SPAG9: variants seen among roughly 807,000 people sequenced by gnomAD.
The protein encoded by SPAG9 is C-Jun-amino-terminal kinase-interacting protein 4.
Under a neutral mutation model 166.5 loss-of-function variants are expected in SPAG9, and 35 were observed. That is an observed-to-expected ratio of 0.21 (90% CI 0.16 to 0.28). SPAG9 has a LOEUF of 0.28. SPAG9 is among the 10% of genes least tolerant of loss of function. The probability of loss-of-function intolerance (pLI) is 1.00; values close to 1 mark genes in which losing one functional copy is unlikely to be tolerated. For synonymous variants in SPAG9, 534 were observed against 565.5 expected, an observed-to-expected ratio of 0.94 and a Z score of 0.79; for missense variants, 1,235 against 1,603.3, an observed-to-expected ratio of 0.77 and a Z score of 3.92.
intron 1 of SPAG9, among the ~76,000 whole-genome samples, chr17:51,090,420 C>A (rs533195585): frequency 5.3e-5 from 8 of 152,206 alleles, no homozygotes; most frequent in African/African-American, 1.9e-4. Flanking sequence ...ACTGGGGAGG[C>A]TGAGACAGGA....
chr17:51,095,992 GATATATATATAGTGAT>G lies in SPAG9; in HGVS notation c.304-16304_304-16289del, dbSNP rs1180725579. The stretch of plus-strand genomic sequence containing the variant: ...ATATAGTGATATATATATATATAGT[GATATATATATAGTGAT>G]ATATATATATAGTGATATATATATA... On this transcript the variant is annotated intron_variant, in intron 1 of 29. Coordinates refer to ENST00000262013, the MANE Select transcript of SPAG9 (RefSeq NM_001130528.3). Among the ~76,000 whole-genome samples, 617 of 75,138 alleles carry G rather than the reference GATATATATATAGTGAT, an allele frequency of 8.2e-3. 20 individuals are homozygous for G. The highest frequency in any genetic ancestry group is 0.015 in the African/African-American group (236 of 15,736). 49.3% of individuals were successfully genotyped at this position (75,138 alleles called of 152,430 possible).
At position 50,989,747 on chromosome 17, in the gene SPAG9, T is replaced by C. The variant is rs748323377; in HGVS notation, c.2743A>G (p.Thr915Ala). The C allele has an allele frequency of 5.6e-6, 9 of 1,614,230 alleles. No homozygotes were observed. The highest frequency in any genetic ancestry group is 7.6e-6 in the Non-Finnish European group (9 of 1,180,030). ...TVDISQTGVY[T>A]EHVFTDPLGV... is the part of the protein sequence containing the mutation. ...AAAGGATCTGTAAAGACATGCTCTG[T>C]GTAGACGCCAGTTTGGGAGATGTCC... Residue 915 changes from threonine to alanine, a missense_variant, in exon 21 of 30, where the codon ACA becomes GCA. Physicochemically the swap from Thr to Ala is moderately conservative, Grantham distance 58. Transcript: ENST00000262013.
chr17:51,104,889 C>T (rs1238881798), intron 1 of SPAG9, among the ~76,000 whole-genome samples: 4 of 143,784 alleles, frequency 2.8e-5, no homozygotes, highest in Admixed American at 7.3e-5. Context: ...GCCGAGATCG[C>T]GCCACTGCAC....
At chr17:51,032,309 T>C (rs1205146565) in intron 5 of SPAG9, among the ~76,000 whole-genome samples, 7 of 152,038 alleles carry the variant, frequency 4.6e-5, no homozygotes, top group Admixed American at 4.6e-4. Context: ...ACTACAAGTG[T>C]ACCCCACCAT....
Position 50,979,729 on chromosome 17 carries a change from A to G in SPAG9, c.3409+17T>C, listed in dbSNP as rs201286772. 670 of 1,600,706 alleles carry G rather than the reference A, an allele frequency of 4.2e-4. No homozygotes were observed. Among genetic ancestry groups the G allele is most frequent in the Non-Finnish European group, 5.5e-4 (639 of 1,168,622 alleles). ...ACCCTCTTTGACTGGTAAAGATAAAACGCGTTGGAAGCTTACCTAACATTT... is the reference window on the plus strand; with the variant it reads ...ACCCTCTTTGACTGGTAAAGATAAAGCGCGTTGGAAGCTTACCTAACATTT... On this transcript the variant is annotated intron_variant, in intron 26 of 29. Coordinates refer to ENST00000262013, the MANE Select transcript of SPAG9 (RefSeq NM_001130528.3).
At chr17:50,983,751 C>A (rs1014185188) in intron 24 of SPAG9, among the ~76,000 whole-genome samples, 1 of 151,996 alleles carries the variant, frequency 6.6e-6, no homozygotes, top group South Asian at 2.1e-4. Context: ...GAAAAAGTTA[C>A]CAAAATGCTC....
intron 2 of SPAG9, among the ~76,000 whole-genome samples, chr17:51,057,030 A>G (rs2047380658): frequency 6.6e-6 from 1 of 152,238 alleles, no homozygotes; most frequent in Admixed American, 6.5e-5. Flanking sequence ...AGTTTTATTA[A>G]TAGATCCTGA....
chr17:51,106,417 T>A (rs2048952295), intron 1 of SPAG9, among the ~76,000 whole-genome samples: 1 of 152,234 alleles, frequency 6.6e-6, no homozygotes. Flanking sequence ...GGTTTGCTTA[T>A]TGTTTATTGC....
chr17:50,987,170 C>T lies in SPAG9; in HGVS notation c.2881G>A (p.Glu961Lys). ...AAAAGACTACTCATTTTCTGGGCTT[C>T]TTCTCTCACCAAGTCTTGTTCATTT... ...LPNEQDLVRE[E>K]AQKMSSLLPT... The change falls in exon 22 of 30, where the codon GAA becomes AAA. Residue 961 changes from glutamate (E) to lysine (K), a missense_variant. Coordinates refer to ENST00000262013, the MANE Select transcript of SPAG9 (RefSeq NM_001130528.3). 6.2e-7 allele frequency: 1 copy of T among 1,613,470 alleles called. No individual in the cohort carries two copies. The highest frequency in any genetic ancestry group is 8.5e-7 in the Non-Finnish European group (1 of 1,179,724).
chr17:50,983,968 G>C (rs1380333194), intron 24 of SPAG9, among the ~76,000 whole-genome samples: 2 of 152,054 alleles, frequency 1.3e-5, no homozygotes, highest in East Asian at 3.9e-4. Context: ...CATTTCCCCA[G>C]CCCAGAAAGA....
chr17:50,996,380 C>T, intron 16 of SPAG9, 185 bp downstream of exon 16: 1 of 628,848 alleles, frequency 1.6e-6, no homozygotes. Flanking sequence ...CAGAGCATTT[C>T]ATTTGAGTTC....
At chr17:50,989,264 A>G (rs1266152296) in intron 21 of SPAG9, among the ~76,000 whole-genome samples, 3 of 152,240 alleles carry the variant, frequency 2.0e-5, no homozygotes, top group Non-Finnish European at 4.4e-5. Flanking sequence ...TCAGTACAGT[A>G]ACATGCTGTA....
At chr17:51,013,709 C>T (rs145371142) in intron 9 of SPAG9, among the ~76,000 whole-genome samples, 1 of 152,102 alleles carries the variant, frequency 6.6e-6, no homozygotes, top group African/African-American at 2.4e-5. Context: ...TCTTTTCAGA[C>T]CATGTATTCT....
rs144385300 is a variant in SPAG9, at chr17:51,047,047, C to T, written c.590+328G>A. On this transcript the variant is annotated intron_variant, in intron 4 of 29. Coordinates refer to ENST00000262013, the MANE Select transcript of SPAG9 (RefSeq NM_001130528.3). ...ACATGCCTCTCTGTAACAAAAAGGA[C>T]TTCAAACCAATTACACGGGAGAAAT... 2.3e-5 allele frequency: 13 copies of T among 553,236 alleles called. No individual in the cohort carries two copies. In the African/African-American group the frequency reaches 2.6e-4, roughly 11 times the overall value. The allele number at this position is 553,236 out of a possible 1,614,324, so 34.3% of individuals were successfully genotyped here.
intron 9 of SPAG9, 53 bp downstream of exon 9, chr17:51,014,179 T>TA: frequency 6.6e-7 from 1 of 1,522,044 alleles, no homozygotes; most frequent in Non-Finnish European, 8.9e-7. Context: ...TTAAATCATT[T>TA]AAAAAATCAA....
intron 5 of SPAG9, among the ~76,000 whole-genome samples, chr17:51,033,704 A>AAGGCC (rs1491242210): frequency 1.9e-4 from 29 of 152,216 alleles, no homozygotes; most frequent in Non-Finnish European, 3.7e-4. Context: ...CTTTTAGAAA[A>AAGGCC]TATTTGGACC....
At chr17:51,016,745 A>G (rs2144125664) in intron 8 of SPAG9, among the ~76,000 whole-genome samples, 1 of 152,322 alleles carries the variant, frequency 6.6e-6, no homozygotes, top group South Asian at 2.1e-4. Flanking sequence ...TCTCTACTAA[A>G]AATACAAAAA....
chr17:51,007,160 G>A (rs948194529), intron 10 of SPAG9, 109 bp downstream of exon 10: 11 of 573,038 alleles, frequency 1.9e-5, no homozygotes, highest in African/African-American at 5.8e-5. Context: ...GTTGGGGAAC[G>A]AGATGGGACA....
Position 51,041,645 on chromosome 17 carries a change from T to C in SPAG9, c.597A>G (p.Glu199=). The change falls in exon 5 of 30, where the codon GAA becomes GAG. Residue 199 remains glutamate, a synonymous_variant. Transcript: ENST00000262013. ...ESTAHSRIRK[E]RPISLGIFPL... is the part of the protein sequence containing the mutation. ...GGAAAATTCCTAATGATATAGGGCG[T>C]TCTTTTCTATTTGAAGAGGGGAGAA... is the stretch of plus-strand genomic sequence containing the variant. 1 of 1,610,272 alleles carries C rather than the reference T, an allele frequency of 6.2e-7. No homozygotes were observed. Among genetic ancestry groups the C allele is most frequent in the Non-Finnish European group, 8.5e-7 (1 of 1,178,872 alleles).
Sources: gnomAD v4.1 joint callset for allele counts (sites outside exome capture counted in the v4.1 genomes callset) on GRCh38, gnomAD v4.1.1 for gene constraint, MANE v1.5 for transcripts, NCBI Gene and HGNC (gene_info 2026-07-23, HGNC 2026-07-21) for gene names.